Variants in ZNF385D observed in about 807,000 individuals in gnomAD.
The protein encoded by ZNF385D is zinc finger protein 385D.
A neutral mutation model predicts 35.8 loss-of-function variants in ZNF385D; 15 were observed. The ratio of observed to expected loss-of-function variants is 0.42; its 90% CI spans 0.28 to 0.64. ZNF385D has a LOEUF of 0.64. ZNF385D is among the 30% of genes least tolerant of loss of function. The probability of loss-of-function intolerance (pLI) is 0.23; values close to 1 mark genes in which losing one functional copy is unlikely to be tolerated. For synonymous variants in ZNF385D, 212 were observed against 186.8 expected, an observed-to-expected ratio of 1.13 and a Z score of -1.10; for missense variants, 474 against 494.6, an observed-to-expected ratio of 0.96 and a Z score of 0.39.
At chr3:21,728,174 T>C (rs2068845321) in intron 1 of ZNF385D, among the ~76,000 whole-genome samples, 1 of 151,860 alleles carries the variant, frequency 6.6e-6, no homozygotes, top group East Asian at 1.9e-4. Flanking sequence ...TTAGGAGAAA[T>C]ACCTAATGTA....
intron 2 of ZNF385D, among the ~76,000 whole-genome samples, chr3:22,228,160 C>T (rs11923366): frequency 9.9e-4 from 151 of 152,182 alleles, no homozygotes; most frequent in African/African-American, 3.3e-3. Flanking sequence ...ATTGGTGAGA[C>T]GATGAGCAGA....
intron 1 of ZNF385D, among the ~76,000 whole-genome samples, chr3:21,667,732 G>T (rs191321238): frequency 6.6e-6 from 1 of 152,160 alleles, no homozygotes; most frequent in Non-Finnish European, 1.5e-5. Context: ...ATCCAAAGAA[G>T]TTAAGGAATA....
chr3:21,772,242 T>A (rs184591694), intron 3 of ZNF385D, among the ~76,000 whole-genome samples: 48 of 151,984 alleles, frequency 3.2e-4, no homozygotes, highest in Admixed American at 5.3e-4. Flanking sequence ...TTTATAAAAA[T>A]TTTTTAAAAA....
intron 3 of ZNF385D, among the ~76,000 whole-genome samples, chr3:21,882,474 A>G (rs1406883069): frequency 1.3e-5 from 2 of 152,040 alleles, no homozygotes; most frequent in Non-Finnish European, 2.9e-5. Flanking sequence ...AGACTATAGT[A>G]CAGTATAAAC....
intron 3 of ZNF385D, among the ~76,000 whole-genome samples, chr3:21,967,799 G>A (rs1293226751): frequency 6.6e-6 from 1 of 152,190 alleles, no homozygotes; most frequent in Non-Finnish European, 1.5e-5. Context: ...GAGATTGGGA[G>A]GAAGTTGGAG....
At chr3:21,635,429 G>A (rs1475718099) in intron 2 of ZNF385D, among the ~76,000 whole-genome samples, 2 of 151,996 alleles carry the variant, frequency 1.3e-5, no homozygotes, top group African/African-American at 4.8e-5. Context: ...TGTAGATGAA[G>A]AAACTGAGTT....
At chr3:21,565,175 C>T (rs2063100041) in intron 2 of ZNF385D, among the ~76,000 whole-genome samples, 1 of 151,888 alleles carries the variant, frequency 6.6e-6, no homozygotes. Flanking sequence ...ACAAGTCCTG[C>T]TTTCCAATAA....
In ZNF385D at chr3:21,560,664, C is replaced by G. The variant is rs150016623; in HGVS notation, c.276+3910G>C. ...AGGCAGTCTGACCCTTAGCAGAGCT[C>G]GAACGCTGTGCTGGGAGATCCGCTG... On this transcript the variant is annotated intron_variant, in intron 3 of 7. Coordinates refer to ENST00000281523, the MANE Select transcript of ZNF385D (RefSeq NM_024697.3). 4.9e-3 allele frequency among the ~76,000 whole-genome samples: 751 copies of G among 152,284 alleles called. 9 individuals carry two copies. The highest frequency in any genetic ancestry group is 0.017 in the African/African-American group (710 of 41,558).
intron 3 of ZNF385D, among the ~76,000 whole-genome samples, chr3:21,941,490 CTTTTTTTTTTTTTT>C (rs531693623): frequency 3.1e-5 from 2 of 63,622 alleles, no homozygotes; most frequent in Admixed American, 2.3e-4. Context: ...TTCCATTACT[CTTTTTTTTTTTTTT>C]TTTTTTTTTT....
chr3:21,628,940 C>CT (rs1346370389), intron 2 of ZNF385D, among the ~76,000 whole-genome samples: 2 of 152,130 alleles, frequency 1.3e-5, no homozygotes, highest in Non-Finnish European at 2.9e-5. Flanking sequence ...CTCCATGTAC[C>CT]TTTTCACTTA....
chr3:21,662,630 G>T (rs893853428), intron 2 of ZNF385D, among the ~76,000 whole-genome samples: 3 of 152,166 alleles, frequency 2.0e-5, no homozygotes, highest in Admixed American at 1.3e-4. Flanking sequence ...ACTTCAGTTG[G>T]AAGCAAGGAA....
chr3:21,825,581 T>A (rs569941779), intron 3 of ZNF385D, among the ~76,000 whole-genome samples: 2 of 152,304 alleles, frequency 1.3e-5, no homozygotes, highest in African/African-American at 2.4e-5. Flanking sequence ...GCATTCTTCA[T>A]TTCATTGGCA....
At chr3:21,684,409 CT>C (rs372223667) in intron 1 of ZNF385D, among the ~76,000 whole-genome samples, 7 of 73,180 alleles carry the variant, frequency 9.6e-5, no homozygotes, top group East Asian at 6.6e-4. Context: ...TCTCTCCTCT[CT>C]CTCTCTCTCT....
chr3:21,825,794 G>A lies in ZNF385D; in HGVS notation c.326-160766C>T, dbSNP rs140821645. Among the ~76,000 whole-genome samples, 284 of 152,312 alleles carry A rather than the reference G, an allele frequency of 1.9e-3. 2 individuals are homozygous for A. The highest frequency in any genetic ancestry group is 6.7e-3 in the African/African-American group (278 of 41,564). On this transcript the variant is annotated intron_variant, in intron 3 of 5. Coordinates refer to the ZNF385D transcript ENST00000494108. ...CCCAGGGGTCCCCAGCCTCCGGGCT[G>A]CGGACCAGAACCAGTCCCTCGCTTG...
chr3:22,291,612 T>A (rs1001835703), intron 2 of ZNF385D, among the ~76,000 whole-genome samples: 7 of 152,046 alleles, frequency 4.6e-5, no homozygotes, highest in African/African-American at 1.7e-4. Flanking sequence ...TTACAACAGT[T>A]AAAGAAGTGT....
chr3:21,509,401 T>A (rs1707032382), intron 4 of ZNF385D, among the ~76,000 whole-genome samples: 1 of 152,148 alleles, frequency 6.6e-6, no homozygotes, highest in South Asian at 2.1e-4. Flanking sequence ...GAAATTACAC[T>A]TACCTGCTTC....
intron 3 of ZNF385D, among the ~76,000 whole-genome samples, chr3:21,846,473 A>G (rs1023888440): frequency 6.6e-6 from 1 of 152,020 alleles, no homozygotes; most frequent in African/African-American, 2.4e-5. Flanking sequence ...CTTGGAGTTC[A>G]AGCAGGTACC....
In ZNF385D at chr3:21,444,387, G is replaced by GTT. The variant is rs137978112; in HGVS notation, c.440-7186_440-7185dup. On this transcript the variant is annotated intron_variant, in intron 4 of 7. Transcript: ENST00000281523. ...GAGCCACAGCACCCGGCCTTTTTTT[G>GTT]TTTTTTTTTTTTTTTGAGATGGAGC... 2.2e-3 allele frequency among the ~76,000 whole-genome samples: 300 copies of GTT among 133,886 alleles called. 1 individual carries two copies. The highest frequency in any genetic ancestry group is 6.9e-3 in the East Asian group (31 of 4,506). The allele number at this position is 133,886 out of a possible 152,430, so 87.8% of individuals were successfully genotyped here. A position where few individuals can be genotyped will look rare whatever the true frequency, so the allele number is the denominator to read the frequency against.
At chr3:22,284,762 A>G (rs1268407012) in intron 2 of ZNF385D, among the ~76,000 whole-genome samples, 1 of 152,148 alleles carries the variant, frequency 6.6e-6, no homozygotes, top group Non-Finnish European at 1.5e-5. Flanking sequence ...GAAAATAAAT[A>G]AGATAAAATT....
Sources: gnomAD v4.1 joint callset for allele counts (sites outside exome capture counted in the v4.1 genomes callset) on GRCh38, gnomAD v4.1.1 for gene constraint, MANE v1.5 for transcripts, NCBI Gene and HGNC (gene_info 2026-07-23, HGNC 2026-07-21) for gene names.